QTMAN: variants seen among roughly 807,000 people sequenced by gnomAD.
QTMAN encodes the protein queuosine-tRNA mannosyltransferase.
the QTMAN span, among the ~76,000 whole-genome samples, chr2:143,983,598 T>G: frequency 4.0e-5 from 6 of 148,492 alleles, no homozygotes; most frequent in African/African-American, 7.4e-5. Context: ...TCAGCCTCCC[T>G]AGTAGCTGGG....
chr2:144,023,393 T>C, the QTMAN span, among the ~76,000 whole-genome samples: 48 of 152,260 alleles, frequency 3.2e-4, 1 homozygote, highest in African/African-American at 1.1e-3. Flanking sequence ...ATTTACAGAG[T>C]GCCCATGCAA....
the QTMAN span, among the ~76,000 whole-genome samples, chr2:144,045,644 C>T: frequency 6.6e-6 from 1 of 152,132 alleles, no homozygotes; most frequent in East Asian, 1.9e-4. Flanking sequence ...TACCACTTTT[C>T]CTGGCTGACC....
chr2:144,067,898 C>T, the QTMAN span, among the ~76,000 whole-genome samples: 9 of 152,106 alleles, frequency 5.9e-5, no homozygotes, highest in African/African-American at 2.2e-4. Flanking sequence ...GAGTGCCACC[C>T]CCAAAGGGAA....
chr2:143,952,700 T>C, the QTMAN span: 1 of 1,098,980 alleles, frequency 9.1e-7, no homozygotes, highest in Non-Finnish European at 1.4e-6. Context: ...CTAAGTTTAT[T>C]TTCAAACTTT....
chr2:144,308,882 G>A, the QTMAN span, among the ~76,000 whole-genome samples: 1 of 152,076 alleles, frequency 6.6e-6, no homozygotes, highest in African/African-American at 2.4e-5. Context: ...ACAAGAACTT[G>A]TATCTAGATA....
At chr2:144,128,935 C>G in the QTMAN span, among the ~76,000 whole-genome samples, 1 of 151,380 alleles carries the variant, frequency 6.6e-6, no homozygotes, top group Non-Finnish European at 1.5e-5. Context: ...TCACCCCCCA[C>G]CCCTTGTCTT....
chr2:144,182,680 T>C, the QTMAN span, among the ~76,000 whole-genome samples: 1 of 138,030 alleles, frequency 7.2e-6, no homozygotes, highest in Non-Finnish European at 1.6e-5. Context: ...ACCTTAAAAG[T>C]GCTGCAGGGC....
At chr2:144,279,911 C>T in the QTMAN span, among the ~76,000 whole-genome samples, 5 of 151,998 alleles carry the variant, frequency 3.3e-5, no homozygotes, top group Admixed American at 2.0e-4. Flanking sequence ...ATCAGTGACA[C>T]AATTATATGC....
chr2:144,135,670 T>A, the QTMAN span, among the ~76,000 whole-genome samples: 3 of 152,324 alleles, frequency 2.0e-5, no homozygotes, highest in Non-Finnish European at 4.4e-5. Flanking sequence ...TTCTGTCAGT[T>A]CATTTTTATA....
At chr2:144,193,860 A>C in the QTMAN span, among the ~76,000 whole-genome samples, 1 of 152,108 alleles carries the variant, frequency 6.6e-6, no homozygotes, top group Admixed American at 6.6e-5. Flanking sequence ...ATTTAGCTAC[A>C]ATTCAAAATT....
chr2:143,947,366 C>A, the QTMAN span, among the ~76,000 whole-genome samples: 1 of 152,200 alleles, frequency 6.6e-6, no homozygotes, highest in African/African-American at 2.4e-5. Flanking sequence ...CTGTTTTCTG[C>A]AAATGGGTAT....
At chr2:144,011,762 C>G in the QTMAN span, 1 of 984,558 alleles carries the variant, frequency 1.0e-6, no homozygotes, top group South Asian at 4.7e-5. Flanking sequence ...TGCAAATAGG[C>G]ACATGTCTGA....
chr2:144,195,747 C>T, the QTMAN span, among the ~76,000 whole-genome samples: 1 of 152,110 alleles, frequency 6.6e-6, no homozygotes, highest in Non-Finnish European at 1.5e-5. Context: ...AATTTCAGAG[C>T]AAATAAGACC....
the QTMAN span, chr2:144,142,123 A>G: frequency 9.2e-7 from 1 of 1,089,730 alleles, no homozygotes; most frequent in Admixed American, 2.0e-5. Flanking sequence ...TATCAACCTA[A>G]GACCTCTATG....
At chr2:144,190,744 T>C in the QTMAN span, among the ~76,000 whole-genome samples, 2 of 152,216 alleles carry the variant, frequency 1.3e-5, no homozygotes, top group African/African-American at 4.8e-5. Flanking sequence ...AGTAAAAATC[T>C]AAGTTACAAA....
chr2:144,132,033 C>CTGAATATTCAGGTGAATATATTCAGG, the QTMAN span, among the ~76,000 whole-genome samples: 12 of 151,772 alleles, frequency 7.9e-5, no homozygotes, highest in African/African-American at 4.8e-5. Flanking sequence ...CTGAACATGC[C>CTGAATATTCAGGTGAATATATTCAGG]TGAATATTCA....
chr2:144,235,903 G>A, the QTMAN span, among the ~76,000 whole-genome samples: 1 of 151,658 alleles, frequency 6.6e-6, no homozygotes, highest in Non-Finnish European at 1.5e-5. Context: ...TGCTTCTAAG[G>A]TTATTCTTAA....
the QTMAN span, among the ~76,000 whole-genome samples, chr2:144,175,787 C>CAAG: frequency 1.3e-5 from 2 of 152,138 alleles, no homozygotes; most frequent in Admixed American, 6.6e-5. Context: ...GCCTCAGCCT[C>CAAG]CCAAGTAGCT....
chr2:144,316,475 T>C, the QTMAN span, among the ~76,000 whole-genome samples: 1 of 152,194 alleles, frequency 6.6e-6, no homozygotes, highest in Non-Finnish European at 1.5e-5. Context: ...CAAGTACTTT[T>C]CTACAGATTC....
Sources: allele counts gnomAD v4.1 joint callset (sites outside exome capture counted in the v4.1 genomes callset), GRCh38; gene constraint gnomAD v4.1.1; transcripts MANE v1.5; gene names NCBI Gene and HGNC (gene_info 2026-07-23, HGNC 2026-07-21).